CRYM: variants seen among roughly 807,000 people sequenced by gnomAD.
CRYM encodes ketimine reductase mu-crystallin.
Under a neutral mutation model 32.9 loss-of-function variants are expected in CRYM, and 18 were observed. That is an observed-to-expected ratio of 0.55 (90% CI 0.38 to 0.81). CRYM has a LOEUF of 0.81. CRYM is among the 30% of genes least tolerant of loss of function. The pLI, the probability that CRYM is intolerant of heterozygous loss-of-function variation, is 0.00. For missense variants in CRYM, 337 were observed against 393.5 expected (o/e 0.86, Z 1.21); for synonymous variants, 153 against 152.4 (o/e 1.00, Z -0.03).
chr16:21,277,470 A>T lies in CRYM; in HGVS notation c.285T>A (p.Thr95=). Residue 95 remains threonine, a synonymous_variant, in exon 2 of 8, where the codon ACT becomes ACA. Coordinates refer to ENST00000572914, the MANE Select transcript of CRYM (RefSeq NM_001376256.1). The surrounding 1 kb of genome is among the most constrained non-coding windows in gnomAD (Gnocchi z 4.2). The part of the protein sequence containing the change: ...ITSVVPSHQA[T]VLLFEPSNGT... ...CATTGCTGGGCTCAAAGAGTAGCAC[A>T]GTAGCCTGGTGGGAAGGGACGACCG... 6.2e-7 allele frequency: 1 copy of T among 1,613,838 alleles called. No homozygotes were observed. Among genetic ancestry groups the T allele is most frequent in the South Asian group, 1.1e-5 (1 of 91,070 alleles).
chr16:21,299,275 C>T (rs1449787803), intron 1 of CRYM, among the ~76,000 whole-genome samples: 1 of 151,994 alleles, frequency 6.6e-6, no homozygotes, highest in Admixed American at 6.6e-5. Context: ...AATAAAGTCT[C>T]GTAGCAACAT....
At chr16:21,278,311 T>C, upstream of CRYM, 1 of 1,535,504 alleles carries the variant, frequency 6.5e-7, no homozygotes, top group Non-Finnish European at 8.7e-7. Flanking sequence ...CCCTCGGCTG[T>C]GCCCTTTATG....
intron 1 of CRYM, among the ~76,000 whole-genome samples, chr16:21,284,634 A>G (rs1257836738): frequency 1.3e-5 from 2 of 152,114 alleles, no homozygotes; most frequent in Non-Finnish European, 1.5e-5. Flanking sequence ...ATGGCTGTAT[A>G]GTATTCCATA....
intron 1 of CRYM, chr16:21,284,100 A>G (rs1342933079): frequency 6.6e-6 from 1 of 151,518 alleles, no homozygotes; most frequent in African/African-American, 2.4e-5. Flanking sequence ...CGCGCCTCTA[A>G]CAAATGAAAA....
chr16:21,283,171 G>C (rs2093401186), upstream of CRYM, among the ~76,000 whole-genome samples: 1 of 152,114 alleles, frequency 6.6e-6, no homozygotes, highest in South Asian at 2.1e-4. Flanking sequence ...CATCCCCCTA[G>C]ACTTCTGCCA....
intron 1 of CRYM, among the ~76,000 whole-genome samples, chr16:21,298,050 T>C (rs1390184084): frequency 1.3e-5 from 2 of 152,252 alleles, no homozygotes; most frequent in African/African-American, 2.4e-5. Flanking sequence ...AGTAGATGCT[T>C]GTCCTGTTGC....
chr16:21,278,440 G>A, upstream of CRYM: 3 of 663,174 alleles, frequency 4.5e-6, no homozygotes, highest in Non-Finnish European at 7.8e-6. Flanking sequence ...GACCCCTAAG[G>A]GTGGGCGAGA....
intron 1 of CRYM, among the ~76,000 whole-genome samples, chr16:21,285,686 AT>A (rs1351371273): frequency 6.6e-6 from 1 of 152,246 alleles, no homozygotes. Flanking sequence ...TATTGAACTT[AT>A]GCAAATAACT....
At chr16:21,263,058 G>T (rs1460994982) in intron 5 of CRYM, among the ~76,000 whole-genome samples, 1 of 151,722 alleles carries the variant, frequency 6.6e-6, no homozygotes, top group African/African-American at 2.4e-5. Flanking sequence ...TTTCTTTTTG[G>T]AGAGAGGGTC....
chr16:21,261,445 A>AT (rs1240843621), intron 6 of CRYM, 107 bp from the exon 7 acceptor site: 16 of 609,856 alleles, frequency 2.6e-5, no homozygotes, highest in African/African-American at 1.4e-4. Flanking sequence ...GATAAATTTG[A>AT]TTAAAAAAAA....
At chr16:21,262,848 C>T (rs568163387) in intron 5 of CRYM, among the ~76,000 whole-genome samples, 2 of 152,192 alleles carry the variant, frequency 1.3e-5, no homozygotes, top group East Asian at 3.9e-4. Flanking sequence ...AAGGTGTTTG[C>T]CAAGGTTAAG....
At chr16:21,261,443 T>TA in intron 6 of CRYM, 105 bp from the exon 7 acceptor site, 1 of 684,026 alleles carries the variant, frequency 1.5e-6, no homozygotes, top group Admixed American at 2.7e-5. Context: ...GAGATAAATT[T>TA]GATTAAAAAA....
chr16:21,259,151 T>A (rs572036437), intron 7 of CRYM, among the ~76,000 whole-genome samples: 2 of 151,984 alleles, frequency 1.3e-5, no homozygotes, highest in East Asian at 1.9e-4. Context: ...CAGGCTGAAG[T>A]GCAGTGGCGC....
intron 1 of CRYM, among the ~76,000 whole-genome samples, chr16:21,287,412 TG>T (rs2152864478): frequency 6.6e-6 from 1 of 152,372 alleles, no homozygotes; most frequent in South Asian, 2.1e-4. Context: ...TTGGAATTTC[TG>T]GAATGAATGG....
At chr16:21,269,161 A>T (rs1269050948) in intron 4 of CRYM, among the ~76,000 whole-genome samples, 1 of 151,980 alleles carries the variant, frequency 6.6e-6, no homozygotes, top group Non-Finnish European at 1.5e-5. Context: ...AAAAAAAAAA[A>T]AAAAGTCATG....
intron 1 of CRYM, among the ~76,000 whole-genome samples, chr16:21,293,613 G>A (rs1960718739): frequency 6.6e-6 from 1 of 152,168 alleles, no homozygotes; most frequent in Non-Finnish European, 1.5e-5. Context: ...TTAGAAAATA[G>A]AAGTGCCCTT....
intron 1 of CRYM, among the ~76,000 whole-genome samples, chr16:21,288,926 T>G (rs1326484988): frequency 1.3e-5 from 2 of 152,188 alleles, no homozygotes; most frequent in Non-Finnish European, 2.9e-5. Flanking sequence ...TGATTTCTAA[T>G]TTTGTTCCAT....
chr16:21,274,896 G>A (rs1268619652), intron 3 of CRYM, among the ~76,000 whole-genome samples: 1 of 152,186 alleles, frequency 6.6e-6, no homozygotes, highest in Non-Finnish European at 1.5e-5. Flanking sequence ...GTGAGCCACT[G>A]TACCCAGCCT....
rs750689784 is a variant in CRYM, at chr16:21,261,336, G to A, written c.798C>T (p.Ala266=). 50 of 1,613,616 alleles carry A rather than the reference G, an allele frequency of 3.1e-5. No homozygotes were observed. Among genetic ancestry groups the A allele is most frequent in the East Asian group, 8.9e-5 (4 of 44,886 alleles). Residue 266 remains alanine (A), a splice_region_variant and synonymous_variant, in exon 7 of 8, where the codon GCC becomes GCT. Transcript: ENST00000572914. The part of the protein sequence containing the change: ...KESGDVLLSG[A]EIFAELGEVI... ...CTTCTCCCAGCTCAGCAAAGATCTC[G>A]GCCTAGGAAACAAACATACGCTGAC...
Sources: gnomAD v4.1 joint callset for allele counts (sites outside exome capture counted in the v4.1 genomes callset) on GRCh38, gnomAD v4.1.1 for gene constraint, Gnocchi (gnomAD v3.1) non-coding constraint, MANE v1.5 for transcripts, NCBI Gene and HGNC (gene_info 2026-07-23, HGNC 2026-07-21) for gene names.